NDUFS8: variants seen among roughly 807,000 people sequenced by gnomAD.
The protein encoded by NDUFS8 is NADH:ubiquinone oxidoreductase core subunit S8.
NDUFS8 carries 13 observed loss-of-function variants against 25.6 expected under a neutral mutation model. The observed-to-expected ratio is 0.51, with a 90% confidence interval of 0.33 to 0.81. The LOEUF is 0.81. NDUFS8 is among the 30% of genes least tolerant of loss of function. NDUFS8 has a pLI of 0.02. For synonymous variants in NDUFS8, 119 were observed against 119.4 expected, an observed-to-expected ratio of 1.00 and a Z score of 0.02; for missense variants, 257 against 300.9, an observed-to-expected ratio of 0.85 and a Z score of 1.08.
chr11:68,031,413 C>T (rs1216800444), intron 1 of NDUFS8: 1 of 160,460 alleles, frequency 6.2e-6, no homozygotes, highest in Non-Finnish European at 1.4e-5. Context: ...GTGGTGCAGT[C>T]TGGGCTCACT....
chr11:68,036,071 C>T (rs978136300), intron 5 of NDUFS8, 182 bp from the exon 6 acceptor site: 73 of 834,496 alleles, frequency 8.7e-5, no homozygotes, highest in African/African-American at 6.7e-4. Context: ...CAGCAGGGCA[C>T]GTGCTGAGGA....
At chr11:68,032,379 G>A (rs1438112841) in intron 3 of NDUFS8, 43 bp downstream of exon 3, 2 of 1,612,602 alleles carry the variant, frequency 1.2e-6, no homozygotes, top group Non-Finnish European at 1.7e-6. Context: ...TTCCTGACTG[G>A]TCCTGCTGGA....
Position 68,034,147 on chromosome 11 carries a change from G to A in NDUFS8, c.372+864G>A, listed in dbSNP as rs561901609. 3.0e-4 allele frequency: 47 copies of A among 154,186 alleles called. 1 individual carries two copies. In the South Asian group the frequency reaches 8.0e-3, roughly 26 times the overall value. 9.6% of individuals were successfully genotyped at this position (154,186 alleles called of 1,614,324 possible). ...GTCTCCATCTTTATAAGCACTAAAG[G>A]ATGAGCCTGCCAGCCACAGGTCCCA... On this transcript the variant is annotated intron_variant, in intron 5 of 6. Transcript: ENST00000313468.
Position 68,032,946 on chromosome 11 carries a change from G to A in NDUFS8, c.133G>A (p.Glu45Lys), listed in dbSNP as rs764943259. 1.5e-5 allele frequency: 24 copies of A among 1,613,788 alleles called. 1 individual carries two copies. Among genetic ancestry groups the A allele is most frequent in the South Asian group, 9.9e-5 (9 of 91,090 alleles). ...TYKYVNMQDP[E>K]MDMKSVTDRA... ...AGAGTATGTGAACATGCAGGATCCC[G>A]AGATGGACATGAAGTCAGTGACTGA... Residue 45 changes from glutamate (E) to lysine (K), a missense_variant, in exon 4 of 7, where the codon GAG becomes AAG. Coordinates refer to ENST00000313468, the MANE Select transcript of NDUFS8 (RefSeq NM_002496.4).
intron 2 of NDUFS8, 36 bp from the exon 3 acceptor site, chr11:68,032,250 G>A: frequency 6.2e-7 from 1 of 1,613,826 alleles, no homozygotes; most frequent in Non-Finnish European, 8.5e-7. Flanking sequence ...GGGGAGTCCA[G>A]TCTCCTGGTA....
chr11:68,035,748 G>A (rs2075627), intron 5 of NDUFS8: 180,308 of 452,926 alleles, frequency 0.4, 39,277 homozygotes, highest in African/African-American at 0.68. Context: ...GGCCGGGCAC[G>A]GTGGCTCACG....
At chr11:68,031,100 G>A (rs1122731) in intron 1 of NDUFS8, 53,443 of 269,840 alleles carry the variant, frequency 0.2, 5,787 homozygotes, top group African/African-American at 0.26. Flanking sequence ...CCCTTGGCAT[G>A]TACGGGCTCC....
At chr11:68,033,533 G>A (rs1590789930) in intron 5 of NDUFS8, 1 of 594,742 alleles carries the variant, frequency 1.7e-6, no homozygotes, top group African/African-American at 1.8e-5. Context: ...CCCCCTTGGG[G>A]TCTGGCCAAG....
At chr11:68,036,080 G>C (rs1854883306) in intron 5 of NDUFS8, 173 bp from the exon 6 acceptor site, 3 of 987,328 alleles carry the variant, frequency 3.0e-6, no homozygotes, top group Non-Finnish European at 4.5e-6. Context: ...ACGTGCTGAG[G>C]AGACAGGCGC....
intron 5 of NDUFS8, chr11:68,033,865 G>A (rs1028327203): frequency 5.8e-6 from 1 of 173,714 alleles, no homozygotes; most frequent in Admixed American, 5.5e-5. Flanking sequence ...TGTGACTCGG[G>A]TGGCTCCTGT....
intron 3 of NDUFS8, 89 bp from the exon 4 acceptor site, chr11:68,032,834 G>T: frequency 1.5e-6 from 2 of 1,298,240 alleles, no homozygotes; most frequent in East Asian, 2.3e-5. Flanking sequence ...GTTGCACCTG[G>T]AAGTGAGGGC....
chr11:68,032,130 C>A, intron 1 of NDUFS8, 22 bp from the exon 2 acceptor site: 1 of 1,611,950 alleles, frequency 6.2e-7, no homozygotes, highest in South Asian at 1.1e-5. Flanking sequence ...ACCCCACCCT[C>A]CATCCCTTTT....
intron 1 of NDUFS8, 106 bp downstream of exon 1, chr11:68,030,839 C>T (rs1279675859): frequency 7.0e-6 from 3 of 426,292 alleles, no homozygotes; most frequent in Non-Finnish European, 9.5e-6. Context: ...TGGGCTTCCC[C>T]TCGGCTCACT....
At position 68,036,556 on chromosome 11, in the gene NDUFS8, TC is replaced by T; in HGVS notation, c.597del (p.Ile199MetfsTer?). Reference protein sequence around the residue: ...LNNGDKWEAEIAANIQADYLY... With the variant: ...LNNGDKWEAEXAANIQADYLY... ...AACGGGGACAAGTGGGAGGCCGAGA[TC>T]GCCGCCAACATCCAGGCTGACTACT... On this transcript the variant is annotated frameshift_variant, in exon 7 of 7. Transcript: ENST00000313468. LOFTEE classifies it high-confidence loss of function. 4 of 1,613,896 alleles carry T rather than the reference TC, an allele frequency of 2.5e-6. No homozygotes were observed. Among genetic ancestry groups the T allele is most frequent in the Non-Finnish European group, 3.4e-6 (4 of 1,179,974 alleles).
chr11:68,030,753 C>A lies in NDUFS8; in HGVS notation c.-1+20C>A. 2.9e-6 allele frequency: 1 copy of A among 340,540 alleles called. No homozygotes were observed. The highest frequency in any genetic ancestry group is 5.9e-6 in the Non-Finnish European group (1 of 170,886). The allele number at this position is 340,540 out of a possible 1,614,324, so 21.1% of individuals were successfully genotyped here. ...TTCAAGGTGGGTGTTCACGTTTTGG[C>A]CGTGAAAGTCGGGCTTGGGCAGCGT... On this transcript the variant is annotated intron_variant, in intron 1 of 6. Coordinates refer to ENST00000313468, the MANE Select transcript of NDUFS8 (RefSeq NM_002496.4).
At chr11:68,030,910 C>T (rs1213855781) in intron 1 of NDUFS8, 177 bp downstream of exon 1, 3 of 447,146 alleles carry the variant, frequency 6.7e-6, no homozygotes, top group Non-Finnish European at 9.0e-6. Context: ...AGGGCGCATG[C>T]GCCGCCCGCT....
chr11:68,032,589 G>A, intron 3 of NDUFS8: 1 of 1,336,700 alleles, frequency 7.5e-7, no homozygotes, highest in Non-Finnish European at 1.0e-6. Flanking sequence ...TGTGAGCCAT[G>A]GGTACCTGTG....
At position 68,036,495 on chromosome 11, in the gene NDUFS8, G is replaced by A. The variant is rs749575268; in HGVS notation, c.535G>A (p.Glu179Lys). Residue 179 changes from glutamate (E) to lysine (K), a missense_variant, in exon 7 of 7, where the codon GAG becomes AAG. Physicochemically the swap from Glu to Lys is moderately conservative, Grantham distance 56. Coordinates refer to ENST00000313468, the MANE Select transcript of NDUFS8 (RefSeq NM_002496.4). ...PNFEFSTETH[E>K]ELLYNKEKLL... ...CTTTGAGTTCTCCACGGAGACCCAT[G>A]AGGAGCTGCTGTACAACAAGGAGAA... 1.2e-6 allele frequency: 2 copies of A among 1,614,094 alleles called. No individual in the cohort carries two copies. The highest frequency in any genetic ancestry group is 2.2e-5 in the East Asian group (1 of 44,880).
At position 68,033,296 on chromosome 11, in the gene NDUFS8, C is replaced by T. The variant is rs1288806291; in HGVS notation, c.372+13C>T. On this transcript the variant is annotated intron_variant, in intron 5 of 6. Coordinates refer to ENST00000313468, the MANE Select transcript of NDUFS8 (RefSeq NM_002496.4). Reference sequence around the variant, plus strand: ...CTGCCCCGCCCAGGTGAGCCCCTGCCCCAACCGGCCACCACGCCAGCCCCT... The same window carrying T: ...CTGCCCCGCCCAGGTGAGCCCCTGCTCCAACCGGCCACCACGCCAGCCCCT... 1.9e-6 allele frequency: 3 copies of T among 1,597,386 alleles called. No individual in the cohort carries two copies. The highest frequency in any genetic ancestry group is 2.6e-6 in the Non-Finnish European group (3 of 1,176,414).
Sources: allele counts gnomAD v4.1 joint callset, GRCh38; gene constraint gnomAD v4.1.1; transcripts MANE v1.5; gene names NCBI Gene and HGNC (gene_info 2026-07-23, HGNC 2026-07-21).